Variants in SLC25A26 observed in about 807,000 individuals in gnomAD.
The protein encoded by SLC25A26 is mitochondrial S-adenosylmethionine carrier protein.
SLC25A26 carries 36 observed loss-of-function variants against 37.8 expected under a neutral mutation model. That is an observed-to-expected ratio of 0.95 (90% confidence interval 0.73 to 1.26). SLC25A26 has a LOEUF of 1.26. SLC25A26 is among the 50% of genes most tolerant of loss of function. SLC25A26 has a pLI of 0.00. For missense variants in SLC25A26, 390 were observed against 331.1 expected (o/e 1.18, Z -1.38); for synonymous variants, 129 against 122.5 (o/e 1.05, Z -0.35).
intron 1 of SLC25A26, among the ~76,000 whole-genome samples, chr3:66,155,029 A>C (rs73127772): frequency 0.19 from 28,819 of 152,204 alleles, 3,312 homozygotes; most frequent in South Asian, 0.29. Context: ...CCTGGTACAT[A>C]GTAGGCAGCA....
At chr3:66,352,794 C>G (rs1338859701) in intron 6 of SLC25A26, among the ~76,000 whole-genome samples, 1 of 152,148 alleles carries the variant, frequency 6.6e-6, no homozygotes, top group South Asian at 2.1e-4. Flanking sequence ...CCCCATACCT[C>G]TCTCATGTCT....
intron 5 of SLC25A26, among the ~76,000 whole-genome samples, chr3:66,295,105 A>G (rs1296866823): frequency 6.6e-6 from 1 of 152,314 alleles, no homozygotes; most frequent in Non-Finnish European, 1.5e-5. Flanking sequence ...ACAGTTTACA[A>G]CCTATTTTGT....
At chr3:66,147,232 C>T (rs2070132854) in intron 1 of SLC25A26, among the ~76,000 whole-genome samples, 1 of 150,526 alleles carries the variant, frequency 6.6e-6, no homozygotes, top group African/African-American at 2.5e-5. Context: ...GGCATGATGT[C>T]AGCTCACTGC....
intron 5 of SLC25A26, among the ~76,000 whole-genome samples, chr3:66,274,068 C>T (rs1277197306): frequency 2.6e-5 from 4 of 152,082 alleles, no homozygotes; most frequent in Non-Finnish European, 5.9e-5. Context: ...ATCAGTGGAA[C>T]AGAACAGAGC....
rs1241803045 is a variant in SLC25A26 at position 66,362,883 on chromosome 3, T to C, written c.522T>C (p.Asp174=). 2.5e-6 allele frequency: 4 copies of C among 1,607,636 alleles called. No homozygotes were observed. Among genetic ancestry groups the C allele is most frequent in the Non-Finnish European group, 3.4e-6 (4 of 1,177,002 alleles). The part of the protein sequence containing the change: ...SLKALWSWRQ[D]HVVDSWQSAV... ...AGGCCCTCTGGTCCTGGAGGCAGGA[T>C]CATGTGGTGGATTCTTGGCAGTCAG... The change falls in exon 7 of 10, where the codon GAT becomes GAC. Residue 174 remains aspartate (D), a synonymous_variant. Transcript: ENST00000354883.
In SLC25A26 at chr3:66,308,793, C is replaced by G. The variant is rs148054302; in HGVS notation, c.454-37571C>G. 4.1e-4 allele frequency among the ~76,000 whole-genome samples: 62 copies of G among 152,280 alleles called. No individual in the cohort carries two copies. The East Asian group carries it at 0.012, about 29-fold the overall frequency. On this transcript the variant is annotated intron_variant, in intron 5 of 9. Transcript: ENST00000354883. ...CCTTTTCTGCATCTGTTGAGATAAT[C>G]ATGTGATTTTTGTCATTGGTTCTGT...
intron 5 of SLC25A26, among the ~76,000 whole-genome samples, chr3:66,265,497 C>T (rs549200875): frequency 6.6e-6 from 1 of 152,152 alleles, no homozygotes; most frequent in African/African-American, 2.4e-5. Flanking sequence ...CATACATCTG[C>T]TCTGCATCTG....
chr3:66,293,738 G>T (rs13062248), intron 5 of SLC25A26, among the ~76,000 whole-genome samples: 5 of 151,986 alleles, frequency 3.3e-5, no homozygotes, highest in African/African-American at 9.7e-5. Context: ...TCTTACGGCT[G>T]TATAGTATTC....
intron 5 of SLC25A26, among the ~76,000 whole-genome samples, chr3:66,272,098 GTTTACA>G (rs900937732): frequency 6.6e-6 from 1 of 152,098 alleles, no homozygotes; most frequent in African/African-American, 2.4e-5. Flanking sequence ...GAAATAAACT[GTTTACA>G]TTTACCAAGT....
At chr3:66,305,029 A>G (rs530705855) in intron 5 of SLC25A26, among the ~76,000 whole-genome samples, 1 of 152,308 alleles carries the variant, frequency 6.6e-6, no homozygotes, top group Admixed American at 6.5e-5. Flanking sequence ...TTTATTAGCA[A>G]CTGACAGTTT....
At chr3:66,252,638 C>T (rs949300160) in intron 3 of SLC25A26, among the ~76,000 whole-genome samples, 22 of 152,154 alleles carry the variant, frequency 1.4e-4, no homozygotes, top group African/African-American at 5.3e-4. Flanking sequence ...ATCTGACACA[C>T]AAAATATTGA....
intron 6 of SLC25A26, among the ~76,000 whole-genome samples, chr3:66,362,300 A>T (rs182843277): frequency 6.6e-6 from 1 of 152,356 alleles, no homozygotes; most frequent in East Asian, 1.9e-4. Context: ...ATGTCCATCA[A>T]CAGGTAAATG....
chr3:66,155,934 C>T (rs1027296082), intron 1 of SLC25A26, among the ~76,000 whole-genome samples: 4 of 152,140 alleles, frequency 2.6e-5, no homozygotes, highest in Non-Finnish European at 5.9e-5. Context: ...GCACTGACTT[C>T]GACTTAGGAA....
intron 1 of SLC25A26, among the ~76,000 whole-genome samples, chr3:66,166,484 G>A (rs150406681): frequency 4.8e-4 from 73 of 152,232 alleles, no homozygotes; most frequent in African/African-American, 1.6e-3. Context: ...GTTTTACTTC[G>A]ATGTGAATTT....
intron 5 of SLC25A26, among the ~76,000 whole-genome samples, chr3:66,291,173 C>T (rs181248289): frequency 0.015 from 2,227 of 152,066 alleles, 62 homozygotes; most frequent in African/African-American, 0.05. Context: ...CCCTTTATCA[C>T]TTTTTATTGT....
intron 5 of SLC25A26, among the ~76,000 whole-genome samples, chr3:66,316,806 T>G (rs1371351826): frequency 6.6e-6 from 1 of 152,212 alleles, no homozygotes; most frequent in Non-Finnish European, 1.5e-5. Flanking sequence ...TTGGAGGTTT[T>G]GTTCATTCCT....
chr3:66,197,418 A>G (rs1042257108), intron 1 of SLC25A26, among the ~76,000 whole-genome samples: 1 of 152,154 alleles, frequency 6.6e-6, no homozygotes. Context: ...GAGTGTTACA[A>G]TGAAAGGATC....
chr3:66,213,331 T>G (rs2071311732), intron 1 of SLC25A26, among the ~76,000 whole-genome samples: 1 of 119,052 alleles, frequency 8.4e-6, no homozygotes, highest in Non-Finnish European at 1.6e-5. Flanking sequence ...ACCCAGAAGG[T>G]GGAGGTGGCA....
chr3:66,175,136 TATATACACAC>T lies in SLC25A26; in HGVS notation c.-354+41154_-354+41163del, dbSNP rs1328300240. On this transcript the variant is annotated intron_variant, in intron 1 of 10. Transcript: ENST00000676754. ...ATATATATATATATATATATATATA[TATATACACAC>T]ACACACACACACACATTATATGTAT... Among the ~76,000 whole-genome samples the T allele has an allele frequency of 9.9e-4, 64 of 64,964 alleles. 1 individual carries two copies. Among genetic ancestry groups the T allele is most frequent in the African/African-American group, 4.4e-3 (60 of 13,666 alleles). 42.6% of individuals were successfully genotyped at this position (64,964 alleles called of 152,430 possible). A position where few individuals can be genotyped will look rare whatever the true frequency, so the allele number is the denominator to read the frequency against.
Sources: allele counts gnomAD v4.1 joint callset (sites outside exome capture counted in the v4.1 genomes callset), GRCh38; gene constraint gnomAD v4.1.1; transcripts MANE v1.5; gene names NCBI Gene and HGNC (gene_info 2026-07-23, HGNC 2026-07-21).